The following NPY2R variants were observed in gnomAD, a reference collection of about 807,000 sequenced individuals.
NPY2R encodes the protein neuropeptide Y receptor Y2.
In NPY2R, 17 loss-of-function variants were observed where a neutral mutation model predicts 22.3. That is an observed-to-expected ratio of 0.76 (90% confidence interval 0.52 to 1.14). NPY2R has a LOEUF of 1.14. NPY2R is among the 50% of genes most tolerant of loss of function. The pLI, the probability that NPY2R is intolerant of heterozygous loss-of-function variation, is 0.00. For synonymous variants in NPY2R, 209 were observed against 183.4 expected (o/e 1.14, Z -1.13); for missense variants, 424 against 467.9 (o/e 0.91, Z 0.87).
the NPY2R span, among the ~76,000 whole-genome samples, chr4:155,176,490 C>T: frequency 6.6e-6 from 1 of 152,004 alleles, no homozygotes; most frequent in African/African-American, 2.4e-5. Flanking sequence ...TGGGTTTGTG[C>T]CCAATGTGTT....
chr4:155,194,998 AT>A, the NPY2R span, among the ~76,000 whole-genome samples: 5 of 151,788 alleles, frequency 3.3e-5, no homozygotes, highest in East Asian at 1.9e-4. Flanking sequence ...CATTTTGGGC[AT>A]TTTTTTCACA....
At position 155,216,611 on chromosome 4, in the gene NPY2R, A is replaced by G. The variant is rs1486751824; in HGVS notation, c.*1526A>G. 6.0e-6 allele frequency: 1 copy of G among 166,962 alleles called. No homozygotes were observed. The highest frequency in any genetic ancestry group is 2.4e-5 in the African/African-American group (1 of 41,456). 10.3% of individuals were successfully genotyped at this position (166,962 alleles called of 1,614,324 possible). A position where few individuals can be genotyped will look rare whatever the true frequency, so the allele number is the denominator to read the frequency against. The stretch of plus-strand genomic sequence containing the variant: ...TGTGGATATATTTAAAATTCATATT[A>G]TAGCTCCTATTAAATTCCTTCCATG... On this transcript the variant is annotated 3_prime_UTR_variant, in exon 2 of 2. Transcript: ENST00000329476.
chr4:155,179,020 T>C, the NPY2R span, among the ~76,000 whole-genome samples: 75 of 152,298 alleles, frequency 4.9e-4, no homozygotes, highest in Non-Finnish European at 9.8e-4. Context: ...ACTTCTTATT[T>C]CCTGCAAAGA....
At chr4:155,195,468 G>A in the NPY2R span, among the ~76,000 whole-genome samples, 3 of 151,994 alleles carry the variant, frequency 2.0e-5, no homozygotes, top group African/African-American at 7.2e-5. Flanking sequence ...TTTTGATGAA[G>A]GGAACCAAAT....
chr4:155,175,462 T>G, the NPY2R span, among the ~76,000 whole-genome samples: 281 of 152,252 alleles, frequency 1.8e-3, 1 homozygote, highest in African/African-American at 6.7e-3. Flanking sequence ...TGGTCATGCT[T>G]TTCAATATCC....
At chr4:155,201,842 G>T in the NPY2R span, among the ~76,000 whole-genome samples, 1 of 152,158 alleles carries the variant, frequency 6.6e-6, no homozygotes, top group Admixed American at 6.5e-5. Context: ...AAAAGTTATG[G>T]CTTTATAGCA....
rs1729511711 is a variant in NPY2R at position 155,216,253 on chromosome 4, C to G, written c.*1168C>G. 6.0e-6 allele frequency: 1 copy of G among 166,688 alleles called. No homozygotes were observed. Among genetic ancestry groups the G allele is most frequent in the Non-Finnish European group, 1.5e-5 (1 of 68,000 alleles). The allele number at this position is 166,688 out of a possible 1,614,324, so 10.3% of individuals were successfully genotyped here. A position where few individuals can be genotyped will look rare whatever the true frequency, so the allele number is the denominator to read the frequency against. ...TTTGTCTTCTTTTCAAAATAATTAG[C>G]TATATTTTTATATAATATGAATATA... On this transcript the variant is annotated 3_prime_UTR_variant, in exon 2 of 2. Coordinates refer to ENST00000329476, the MANE Select transcript of NPY2R (RefSeq NM_000910.4).
chr4:155,216,211 C>T lies in NPY2R; in HGVS notation c.*1126C>T, dbSNP rs1729511153. 1 of 166,910 alleles carries T rather than the reference C, an allele frequency of 6.0e-6. No individual in the cohort carries two copies. Among genetic ancestry groups the T allele is most frequent in the Non-Finnish European group, 1.5e-5 (1 of 68,040 alleles). 10.3% of individuals were successfully genotyped at this position (166,910 alleles called of 1,614,324 possible). On this transcript the variant is annotated 3_prime_UTR_variant, in exon 2 of 2. Coordinates refer to ENST00000329476, the MANE Select transcript of NPY2R (RefSeq NM_000910.4). ...ATCTTGCAAATGTTGTATTTCAAACCAGTTTCACATAAGTTATTTGTCTTC... is the reference window on the plus strand; with the variant it reads ...ATCTTGCAAATGTTGTATTTCAAACTAGTTTCACATAAGTTATTTGTCTTC...
At chr4:155,176,985 G>A in the NPY2R span, among the ~76,000 whole-genome samples, 5 of 152,054 alleles carry the variant, frequency 3.3e-5, no homozygotes, top group East Asian at 9.7e-4. Flanking sequence ...TCACTTCCTA[G>A]AAGGCCCCAC....
At chr4:155,181,395 C>T in the NPY2R span, among the ~76,000 whole-genome samples, 18 of 152,198 alleles carry the variant, frequency 1.2e-4, no homozygotes, top group South Asian at 2.1e-4. Context: ...GAGAAATAAA[C>T]GTTGGAATAC....
chr4:155,199,053 G>T, the NPY2R span, among the ~76,000 whole-genome samples: 18 of 151,964 alleles, frequency 1.2e-4, no homozygotes, highest in Admixed American at 5.3e-4. Flanking sequence ...AGTAGAAATT[G>T]CCTCCTAGTG....
intron 1 of NPY2R, among the ~76,000 whole-genome samples, 174 bp downstream of exon 1, chr4:155,209,243 C>A (rs1350498624): frequency 6.6e-6 from 1 of 151,996 alleles, no homozygotes; most frequent in Non-Finnish European, 1.5e-5. Flanking sequence ...CCATTTTCTA[C>A]TTTCTCTAGA....
chr4:155,211,697 A>G (rs1305770588), intron 1 of NPY2R, among the ~76,000 whole-genome samples: 1 of 152,240 alleles, frequency 6.6e-6, no homozygotes, highest in Non-Finnish European at 1.5e-5. Flanking sequence ...AGTTGATTAA[A>G]CAAGTGATGG....
chr4:155,206,091 C>T (rs1018809580), upstream of NPY2R, among the ~76,000 whole-genome samples: 1 of 152,264 alleles, frequency 6.6e-6, no homozygotes, highest in Admixed American at 6.5e-5. Context: ...TGGCAATCAA[C>T]ATTTTCCACT....
At chr4:155,184,599 G>A in the NPY2R span, among the ~76,000 whole-genome samples, 3 of 152,150 alleles carry the variant, frequency 2.0e-5, no homozygotes, top group Non-Finnish European at 4.4e-5. Context: ...GGCCCCCTGA[G>A]CCATAAAAAA....
At chr4:155,190,891 G>T in the NPY2R span, among the ~76,000 whole-genome samples, 12 of 151,972 alleles carry the variant, frequency 7.9e-5, no homozygotes, top group African/African-American at 2.9e-4. Flanking sequence ...TACACAAAAA[G>T]CATTTAAATA....
At chr4:155,176,891 G>C in the NPY2R span, among the ~76,000 whole-genome samples, 1 of 152,112 alleles carries the variant, frequency 6.6e-6, no homozygotes, top group African/African-American at 2.4e-5. Flanking sequence ...GGACAAAGCG[G>C]GAGGAGGATG....
the NPY2R span, among the ~76,000 whole-genome samples, chr4:155,195,164 A>G: frequency 2.0e-5 from 3 of 152,120 alleles, no homozygotes; most frequent in East Asian, 5.8e-4. Flanking sequence ...AGCAACAGGA[A>G]ATAAAGAACT....
chr4:155,188,644 T>C, the NPY2R span, among the ~76,000 whole-genome samples: 59 of 152,186 alleles, frequency 3.9e-4, no homozygotes, highest in East Asian at 9.8e-3. Flanking sequence ...AAACCTCCAC[T>C]TAGAGAGACC....
Sources: allele counts gnomAD v4.1 joint callset (sites outside exome capture counted in the v4.1 genomes callset), GRCh38; gene constraint gnomAD v4.1.1; transcripts MANE v1.5; gene names NCBI Gene and HGNC (gene_info 2026-07-23, HGNC 2026-07-21).